The following AMZ1 variants were observed in gnomAD, a reference collection of about 807,000 sequenced individuals.
The protein encoded by AMZ1 is archaelysin family metallopeptidase 1, also known as archaemetzincin-1.
Under a neutral mutation model 29.9 loss-of-function variants are expected in AMZ1, and 39 were observed. That is an observed-to-expected ratio of 1.30 (90% CI 1.01 to 1.70). The LOEUF is 1.70. Ranked by LOEUF, AMZ1 falls within the 40% of genes most tolerant of loss-of-function variation. The pLI, the probability that AMZ1 is intolerant of heterozygous loss-of-function variation, is 0.00. For synonymous variants in AMZ1, 458 were observed against 304.0 expected (o/e 1.51, Z -5.27); for missense variants, 1,041 against 680.6 (o/e 1.53, Z -5.89).
intron 4 of AMZ1, among the ~76,000 whole-genome samples, chr7:2,745,662 C>T (rs966158262): frequency 3.3e-5 from 5 of 152,186 alleles, no homozygotes; most frequent in Admixed American, 1.3e-4. Flanking sequence ...CAAATTCACA[C>T]ATAACAATAT....
chr7:2,680,800 G>A (rs1786854946), intron 1 of AMZ1, among the ~76,000 whole-genome samples: 1 of 152,260 alleles, frequency 6.6e-6, no homozygotes, highest in South Asian at 2.1e-4. Flanking sequence ...CCCAGGGCAC[G>A]ACCCTGATGG....
chr7:2,737,289 G>GTTTTTTTTTTTTTTTTTTTTTTTTTT (rs11389467), intron 4 of AMZ1, among the ~76,000 whole-genome samples: 7 of 62,276 alleles, frequency 1.1e-4, no homozygotes, highest in Non-Finnish European at 2.3e-4. Context: ...TTTTTTTTTT[G>GTTTTTTTTTTTTTTTTTTTTTTTTTT]TTTTTTTTTT....
rs1042708549 is a variant in AMZ1 at position 2,700,221 on chromosome 7, G to A, written c.-218-13G>A. 12 of 578,824 alleles carry A rather than the reference G, an allele frequency of 2.1e-5. No individual in the cohort carries two copies. The highest frequency in any genetic ancestry group is 3.1e-5 in the Non-Finnish European group (10 of 326,668). 35.9% of individuals were successfully genotyped at this position (578,824 alleles called of 1,614,324 possible). ...CTCGGCAGTGAGGGGACCCCTGTTC[G>A]TGTCATCCACAGGGTGCTGTGGGCC... On this transcript the variant is annotated splice_polypyrimidine_tract_variant and intron_variant, in intron 1 of 6. Transcript: ENST00000683327.
At chr7:2,720,992 TATAC>T (rs1789395250), downstream of AMZ1, among the ~76,000 whole-genome samples, 1 of 152,210 alleles carries the variant, frequency 6.6e-6, no homozygotes, top group Admixed American at 6.5e-5. Context: ...TATTTCTGTT[TATAC>T]GAATGTCACA....
intron 1 of AMZ1, among the ~76,000 whole-genome samples, chr7:2,696,260 T>TTC (rs1554246536): frequency 6.8e-6 from 1 of 147,220 alleles, no homozygotes; most frequent in African/African-American, 2.5e-5. Context: ...GATAGTCATT[T>TTC]TTTTTTTTTT....
At chr7:2,753,236 A>C (rs1157215399) in intron 4 of AMZ1, among the ~76,000 whole-genome samples, 1 of 151,526 alleles carries the variant, frequency 6.6e-6, no homozygotes, top group African/African-American at 2.4e-5. Context: ...CTCACTGCAA[A>C]CTCTCCTCCC....
chr7:2,753,418 G>A (rs369224823), intron 4 of AMZ1, among the ~76,000 whole-genome samples: 51 of 144,536 alleles, frequency 3.5e-4, no homozygotes, highest in African/African-American at 1.3e-3. Context: ...GATTACAGGT[G>A]TGAGCCCCTG....
At chr7:2,691,691 A>G (rs1413844988) in intron 1 of AMZ1, among the ~76,000 whole-genome samples, 5 of 133,028 alleles carry the variant, frequency 3.8e-5, no homozygotes. Flanking sequence ...AGATTGCGCC[A>G]CTGCACTCTA....
chr7:2,739,844 G>T (rs1790409786), intron 4 of AMZ1, among the ~76,000 whole-genome samples: 2 of 152,146 alleles, frequency 1.3e-5, no homozygotes, highest in Non-Finnish European at 2.9e-5. Flanking sequence ...GCTAATTTTT[G>T]TATTTTTAGT....
At position 2,731,140 on chromosome 7, in the gene AMZ1, T is replaced by G. The variant is rs1197979828; in HGVS notation, n.550+21324T>G. 5.8e-6 allele frequency: 8 copies of G among 1,374,054 alleles called. No individual in the cohort carries two copies. The South Asian group carries it at 8.8e-5, about 15-fold the overall frequency. The allele number at this position is 1,374,054 out of a possible 1,614,324, so 85.1% of individuals were successfully genotyped here. A position where few individuals can be genotyped will look rare whatever the true frequency, so the allele number is the denominator to read the frequency against. ...CACCCAAGAGTCTGACCGACAGCCG[T>G]GGGGGCTGCTCAACGACGACAAACC... On this transcript the variant is annotated intron_variant and non_coding_transcript_variant, in intron 4 of 4. Transcript: ENST00000489665. This position sits in a 1 kb window ranked among gnomAD's most constrained non-coding sequence, Gnocchi z 6.0.
intron 4 of AMZ1, among the ~76,000 whole-genome samples, chr7:2,742,786 T>C (rs1436326648): frequency 6.6e-6 from 1 of 152,260 alleles, no homozygotes. Flanking sequence ...TAATCTTTTA[T>C]GGTGCTTCTT....
intron 1 of AMZ1, among the ~76,000 whole-genome samples, chr7:2,698,773 C>T (rs957668106): frequency 2.0e-5 from 3 of 152,112 alleles, no homozygotes; most frequent in Admixed American, 6.5e-5. Context: ...GAGTTGGAGG[C>T]TGCAGTGAGC....
At chr7:2,734,268 C>T (rs780879613) in intron 4 of AMZ1, among the ~76,000 whole-genome samples, 14 of 152,156 alleles carry the variant, frequency 9.2e-5, no homozygotes, top group Non-Finnish European at 1.6e-4. Flanking sequence ...CAGAGCAGCC[C>T]GCATATGAAC....
intron 1 of AMZ1, among the ~76,000 whole-genome samples, chr7:2,679,956 G>T (rs1055020208): frequency 6.6e-6 from 1 of 152,240 alleles, no homozygotes; most frequent in Admixed American, 6.5e-5. Context: ...GGACCCCGGA[G>T]GTAGGAACTA....
At chr7:2,701,051 C>G (rs1006543091) in intron 2 of AMZ1, among the ~76,000 whole-genome samples, 7 of 152,296 alleles carry the variant, frequency 4.6e-5, no homozygotes, top group African/African-American at 1.7e-4. Flanking sequence ...TAGAGCCATC[C>G]CAGGCACTGT....
At position 2,718,525 on chromosome 7, in the gene AMZ1, C is replaced by T. The variant is rs565463365; in HGVS notation, c.*5647C>T. On this transcript the variant is annotated 3_prime_UTR_variant, in exon 7 of 7. Coordinates refer to ENST00000683327, the MANE Select transcript of AMZ1 (RefSeq NM_001384743.1). ...GACTCTTGGACGCTGGTGGCAGCCG[C>T]GGGCGCCCACTCACCTGGCACGTGG... is the stretch of plus-strand genomic sequence containing the variant. Among the ~76,000 whole-genome samples, 10 of 152,320 alleles carry T rather than the reference C, an allele frequency of 6.6e-5. No homozygotes were observed. In the East Asian group the frequency reaches 1.5e-3, roughly 24 times the overall value.
intron 1 of AMZ1, among the ~76,000 whole-genome samples, chr7:2,694,684 T>A (rs941289589): frequency 2.7e-4 from 41 of 151,186 alleles, no homozygotes; most frequent in South Asian, 8.4e-4. Context: ...TTATTTATTT[T>A]TTTTTTGAGA....
In AMZ1 at chr7:2,712,332, ACT is replaced by A. The variant is rs2115186081; in HGVS notation, c.954_955del (p.Tyr319HisfsTer36). On this transcript the variant is annotated frameshift_variant, in exon 7 of 7. Transcript: ENST00000683327. LOFTEE classifies it low-confidence loss of function (END_TRUNC). Reference protein sequence around the residue: ...GFRLIERYQRLYTWTQAVVGT... With the variant: ...GFRLIERYQRXYTWTQAVVGT... Reference sequence around the variant, plus strand: ...CAGCCTGTGTTTCTCCCTCTTAGAGACTCTACACCTGGACTCAGGCGGTGGTG... The same window carrying A: ...CAGCCTGTGTTTCTCCCTCTTAGAGACTACACCTGGACTCAGGCGGTGGTG... The A allele has an allele frequency of 2.5e-6, 4 of 1,569,642 alleles. No homozygotes were observed. The highest frequency in any genetic ancestry group is 3.5e-6 in the Non-Finnish European group (4 of 1,157,148).
chr7:2,761,729 G>C (rs1157312627), upstream of AMZ1, among the ~76,000 whole-genome samples: 2 of 152,134 alleles, frequency 1.3e-5, no homozygotes, highest in Admixed American at 1.3e-4. Context: ...AAACAATGAA[G>C]AGTTGACAAG....
Sources: gnomAD v4.1 joint callset for allele counts (sites outside exome capture counted in the v4.1 genomes callset) on GRCh38, gnomAD v4.1.1 for gene constraint, Gnocchi (gnomAD v3.1) non-coding constraint, MANE v1.5 for transcripts, NCBI Gene and HGNC (gene_info 2026-07-23, HGNC 2026-07-21) for gene names.